NOVA1: variants seen among roughly 807,000 people sequenced by gnomAD.
NOVA1 encodes the protein NOVA alternative splicing regulator 1, also known as RNA-binding protein Nova-1.
NOVA1 carries 7 observed loss-of-function variants against 38.0 expected under a neutral mutation model. The observed-to-expected ratio is 0.18, with a 90% CI of 0.10 to 0.35. The LOEUF (loss-of-function observed/expected upper bound fraction) is 0.35. Among genes scored for constraint, NOVA1 ranks in the 10% least tolerant of loss-of-function variants. The pLI, the probability that NOVA1 is intolerant of heterozygous loss-of-function variation, is 1.00. For synonymous variants in NOVA1, 270 were observed against 232.5 expected (o/e 1.16, Z -1.47); for missense variants, 460 against 616.0 (o/e 0.75, Z 2.68).
intron 2 of NOVA1, among the ~76,000 whole-genome samples, chr14:26,502,827 C>A (rs181727376): frequency 6.6e-6 from 1 of 152,064 alleles, no homozygotes; most frequent in East Asian, 1.9e-4. Flanking sequence ...ATGATACATA[C>A]AATGATAACA....
At chr14:26,499,383 AT>A (rs1449895242) in intron 2 of NOVA1, among the ~76,000 whole-genome samples, 1 of 152,184 alleles carries the variant, frequency 6.6e-6, no homozygotes, top group Non-Finnish European at 1.5e-5. Context: ...AAAAGTATAC[AT>A]AAAACAATGT....
chr14:26,496,474 C>A (rs1392927435), intron 2 of NOVA1, among the ~76,000 whole-genome samples: 1 of 151,996 alleles, frequency 6.6e-6, no homozygotes, highest in Non-Finnish European at 1.5e-5. Flanking sequence ...GTTTCTTTTG[C>A]TGTGCAGAAG....
At chr14:26,574,181 A>G (rs1892666267) in intron 2 of NOVA1, among the ~76,000 whole-genome samples, 1 of 148,804 alleles carries the variant, frequency 6.7e-6, no homozygotes, top group African/African-American at 2.5e-5. Flanking sequence ...ACCTGTTACC[A>G]CGCCTGGCTA....
chr14:26,592,421 C>T (rs1285940233), intron 2 of NOVA1, among the ~76,000 whole-genome samples: 6 of 150,770 alleles, frequency 4.0e-5, no homozygotes. Context: ...AGGTATATTC[C>T]TAAACCACCA....
chr14:26,512,469 C>A (rs565675084), intron 2 of NOVA1, among the ~76,000 whole-genome samples: 8 of 152,282 alleles, frequency 5.3e-5, no homozygotes, highest in African/African-American at 1.9e-4. Context: ...AACACAACCA[C>A]ACACATTTCT....
At chr14:26,532,839 T>C (rs867352007) in intron 2 of NOVA1, among the ~76,000 whole-genome samples, 13 of 152,222 alleles carry the variant, frequency 8.5e-5, no homozygotes, top group African/African-American at 3.1e-4. Context: ...TCTTTTACTA[T>C]AAAATTCTTT....
intron 2 of NOVA1, among the ~76,000 whole-genome samples, chr14:26,570,698 A>G (rs1222036820): frequency 6.6e-6 from 1 of 152,072 alleles, no homozygotes; most frequent in Non-Finnish European, 1.5e-5. Flanking sequence ...CACATAAACT[A>G]CTCTGGTAGG....
chr14:26,453,934 T>A (rs938700957), intron 4 of NOVA1, among the ~76,000 whole-genome samples: 1 of 152,148 alleles, frequency 6.6e-6, no homozygotes, highest in Non-Finnish European at 1.5e-5. Flanking sequence ...TTTTACTCAG[T>A]CATTCAGTTG....
At chr14:26,490,404 C>T (rs1417167707) in intron 2 of NOVA1, among the ~76,000 whole-genome samples, 1 of 152,074 alleles carries the variant, frequency 6.6e-6, no homozygotes, top group Non-Finnish European at 1.5e-5. Context: ...TAATTCTAGC[C>T]TTTTGAGGAA....
At chr14:26,580,848 T>G (rs1594575601) in intron 2 of NOVA1, among the ~76,000 whole-genome samples, 1 of 152,066 alleles carries the variant, frequency 6.6e-6, no homozygotes, top group Admixed American at 6.6e-5. Flanking sequence ...AATCCTTATA[T>G]AAATGTTGTC....
chr14:26,488,115 T>C (rs1474801153), intron 2 of NOVA1, among the ~76,000 whole-genome samples: 1 of 152,148 alleles, frequency 6.6e-6, no homozygotes, highest in Non-Finnish European at 1.5e-5. Context: ...GGGTTTCTTC[T>C]CTAGGTGATT....
At chr14:26,526,798 T>C (rs972908559) in intron 2 of NOVA1, among the ~76,000 whole-genome samples, 1 of 152,166 alleles carries the variant, frequency 6.6e-6, no homozygotes, top group African/African-American at 2.4e-5. Flanking sequence ...AAATAATTTA[T>C]GGGCAAATCT....
rs1284468564 is a variant in NOVA1, at chr14:26,573,152, A to G, written c.280+22258T>C. On this transcript the variant is annotated intron_variant, in intron 2 of 4. Transcript: ENST00000539517. ...AGTACAGTTAGAGAAATAATGAGAG[A>G]AACTGGATCATACAATGTCAAATAA... Among the ~76,000 whole-genome samples the G allele has an allele frequency of 2.6e-5, 4 of 152,300 alleles. No homozygotes were observed. In the East Asian group the frequency reaches 7.7e-4, roughly 29 times the overall value.
chr14:26,494,481 A>G (rs1018992879), intron 2 of NOVA1, among the ~76,000 whole-genome samples: 1 of 152,222 alleles, frequency 6.6e-6, no homozygotes, highest in African/African-American at 2.4e-5. Flanking sequence ...ACATTAAATC[A>G]GTTTTCAGTC....
At chr14:26,538,341 C>A (rs940674559) in intron 2 of NOVA1, among the ~76,000 whole-genome samples, 1 of 151,998 alleles carries the variant, frequency 6.6e-6, no homozygotes, top group Non-Finnish European at 1.5e-5. Flanking sequence ...ATCATTGTTA[C>A]ATTCAATGGC....
chr14:26,449,440 G>C (rs934827142), intron 4 of NOVA1, among the ~76,000 whole-genome samples: 7 of 152,076 alleles, frequency 4.6e-5, no homozygotes, highest in African/African-American at 1.4e-4. Flanking sequence ...TCAAGCCTGA[G>C]TCCCTTCAAA....
chr14:26,493,331 G>A (rs1648403579), intron 2 of NOVA1, among the ~76,000 whole-genome samples: 1 of 152,120 alleles, frequency 6.6e-6, no homozygotes, highest in African/African-American at 2.4e-5. Flanking sequence ...ATTACAAACA[G>A]TTTTAAAAAT....
intron 2 of NOVA1, among the ~76,000 whole-genome samples, chr14:26,490,415 C>A (rs989212811): frequency 1.3e-5 from 2 of 152,084 alleles, no homozygotes; most frequent in Non-Finnish European, 2.9e-5. Context: ...TTTTGAGGAA[C>A]AGATAAACTG....
intron 2 of NOVA1, among the ~76,000 whole-genome samples, chr14:26,506,628 GGA>G (rs1331007935): frequency 6.6e-6 from 1 of 152,000 alleles, no homozygotes; most frequent in Non-Finnish European, 1.5e-5. Context: ...TACCCAGGCT[GGA>G]GTGCAGTGGC....
Sources: gnomAD v4.1 joint callset for allele counts (sites outside exome capture counted in the v4.1 genomes callset) on GRCh38, gnomAD v4.1.1 for gene constraint, MANE v1.5 for transcripts, NCBI Gene and HGNC (gene_info 2026-07-23, HGNC 2026-07-21) for gene names.